Variants in CABLES2 observed in about 807,000 individuals in gnomAD.
The protein encoded by CABLES2 is CDK5 and ABL1 enzyme substrate 2.
CABLES2 carries 35 observed loss-of-function variants against 44.8 expected under a neutral mutation model. The observed-to-expected ratio is 0.78, with a 90% CI of 0.60 to 1.04. The LOEUF is 1.04. Among genes scored for constraint, CABLES2 ranks in the 50% least tolerant of loss-of-function variants. The probability of loss-of-function intolerance (pLI) is 0.00; values close to 1 mark genes in which losing one functional copy is unlikely to be tolerated. For missense variants in CABLES2, 566 were observed against 615.7 expected (o/e 0.92, Z 0.85); for synonymous variants, 282 against 281.1 (o/e 1.00, Z -0.03).
chr20:62,396,177 G>GGCA lies in CABLES2; in HGVS notation c.527+137_527+138insTGC. ...AGCAAGCAGTGTGGTGGGGAGGAGG[G>GGCA]CCCACCTCTAGAGGTGTGGAGTGTG... On this transcript the variant is annotated intron_variant, in intron 3 of 9. Coordinates refer to ENST00000279101, the MANE Select transcript of CABLES2 (RefSeq NM_031215.3). This position sits in a 1 kb window ranked among gnomAD's most constrained non-coding sequence, Gnocchi z 5.7. The GGCA allele has an allele frequency of 1.4e-6, 1 of 727,742 alleles. No individual in the cohort carries two copies. Among genetic ancestry groups the GGCA allele is most frequent in the South Asian group, 1.6e-5 (1 of 62,618 alleles). 45.1% of individuals were successfully genotyped at this position (727,742 alleles called of 1,614,324 possible).
chr20:62,394,038 G>C, intron 5 of CABLES2, 119 bp downstream of exon 5: 4 of 823,792 alleles, frequency 4.9e-6, no homozygotes, highest in Non-Finnish European at 8.2e-6. Flanking sequence ...CCACCCTTGC[G>C]TTTTACGTGG....
In CABLES2 at chr20:62,391,231, G is replaced by C. The variant is rs764236345; in HGVS notation, c.1296+18C>G. On this transcript the variant is annotated intron_variant, in intron 9 of 9. Transcript: ENST00000279101. The surrounding 1 kb of genome is among the most constrained non-coding windows in gnomAD (Gnocchi z 5.7). ...TGTCATGACCCTGCCTGCAGTGCCT[G>C]CCGAGCCGGGCACTCACATCGATGA... 2.0e-5 allele frequency: 32 copies of C among 1,603,606 alleles called. No individual in the cohort carries two copies. The highest frequency in any genetic ancestry group is 2.6e-5 in the Non-Finnish European group (31 of 1,173,400).
rs1247648613 is a variant in CABLES2 at position 62,391,891 on chromosome 20, CGACGT to C, written c.1092-443_1092-439del. Among the ~76,000 whole-genome samples the C allele has an allele frequency of 6.6e-6, 1 of 151,956 alleles. No homozygotes were observed. The highest frequency in any genetic ancestry group is 1.5e-5 in the Non-Finnish European group (1 of 67,988). On this transcript the variant is annotated intron_variant, in intron 8 of 9. Coordinates refer to ENST00000279101, the MANE Select transcript of CABLES2 (RefSeq NM_031215.3). The surrounding 1 kb of genome is among the most constrained non-coding windows in gnomAD (Gnocchi z 5.7). Reference sequence around the variant, plus strand: ...CAGTACAGGGCCGTGGCCAGGAGCCCGACGTGAGCCCAGCAGTTCCGCCGCCTTCT... The same window carrying C: ...CAGTACAGGGCCGTGGCCAGGAGCCCGAGCCCAGCAGTTCCGCCGCCTTCT...
chr20:62,398,122 TGGTTATGAC>T (rs1569017678), intron 1 of CABLES2, among the ~76,000 whole-genome samples: 10 of 122,214 alleles, frequency 8.2e-5, no homozygotes, highest in East Asian at 2.3e-4. Flanking sequence ...GTGGTGGTGG[TGGTTATGAC>T]GGTGGTGATG....
chr20:62,392,372 T>G lies in CABLES2; in HGVS notation c.1091+17A>C. 6.3e-7 allele frequency: 1 copy of G among 1,582,526 alleles called. No individual in the cohort carries two copies. Among genetic ancestry groups the G allele is most frequent in the Non-Finnish European group, 8.7e-7 (1 of 1,151,500 alleles). On this transcript the variant is annotated intron_variant, in intron 8 of 9. Coordinates refer to ENST00000279101, the MANE Select transcript of CABLES2 (RefSeq NM_031215.3). ...GGCCTCCCAGGACGATGAGATGGTC[T>G]GAGAGGGTGTCCTCACCTCCTGATT...
chr20:62,397,432 C>T (rs1988040011), intron 1 of CABLES2, among the ~76,000 whole-genome samples: 1 of 152,164 alleles, frequency 6.6e-6, no homozygotes, highest in Non-Finnish European at 1.5e-5. Context: ...CCAGGTGTTT[C>T]CCATAAGCGA....
In CABLES2 at chr20:62,389,365, C is replaced by T. The variant is rs1014349134; in HGVS notation, c.*1606G>A. On this transcript the variant is annotated 3_prime_UTR_variant, in exon 10 of 10. Transcript: ENST00000279101. ...AACAAAGGCTTTGGTTTGTCCTCAT[C>T]CTCCAGTCTGTCCCACACACCTGCC... The T allele has an allele frequency of 1.3e-5, 2 of 152,260 alleles. No homozygotes were observed. Among genetic ancestry groups the T allele is most frequent in the Admixed American group, 6.5e-5 (1 of 15,284 alleles). The allele number at this position is 152,260 out of a possible 1,614,324, so 9.4% of individuals were successfully genotyped here.
At position 62,390,797 on chromosome 20, in the gene CABLES2, C is replaced by T. The variant is rs774536048; in HGVS notation, c.*174G>A. 48 of 683,468 alleles carry T rather than the reference C, an allele frequency of 7.0e-5. No homozygotes were observed. Among genetic ancestry groups the T allele is most frequent in the Non-Finnish European group, 1.1e-4 (46 of 409,954 alleles). 42.3% of individuals were successfully genotyped at this position (683,468 alleles called of 1,614,324 possible). On this transcript the variant is annotated 3_prime_UTR_variant, in exon 10 of 10. Coordinates refer to ENST00000279101, the MANE Select transcript of CABLES2 (RefSeq NM_031215.3). ...GTGCACTTGGGGATGAAAGCGACGT[C>T]TCTTTCCAAGGAAATGGCAAAGAGG...
chr20:62,398,249 A>ATGG (rs566172995), intron 1 of CABLES2, among the ~76,000 whole-genome samples: 1 of 59,762 alleles, frequency 1.7e-5, no homozygotes. Context: ...GATGATGGTG[A>ATGG]TGGTGGTGGT....
In CABLES2 at chr20:62,393,040, C is replaced by A; in HGVS notation, c.881-17G>T. The A allele has an allele frequency of 6.2e-7, 1 of 1,600,190 alleles. No homozygotes were observed. The highest frequency in any genetic ancestry group is 8.6e-7 in the Non-Finnish European group (1 of 1,167,800). ...CGTCACTCCCTGTAAGAGAGGCAAC[C>A]CCTGACCCACCAGGAGTCTTGAGCA... On this transcript the variant is annotated splice_polypyrimidine_tract_variant and intron_variant, in intron 6 of 9. Transcript: ENST00000279101.
chr20:62,396,571 G>A lies in CABLES2; in HGVS notation c.384C>T (p.Arg128=). The A allele has an allele frequency of 6.2e-7, 1 of 1,613,398 alleles. No individual in the cohort carries two copies. Among genetic ancestry groups the A allele is most frequent in the South Asian group, 1.1e-5 (1 of 91,024 alleles). Residue 128 remains arginine (R), a synonymous_variant, in exon 2 of 10, where the codon CGC becomes CGT. Transcript: ENST00000279101. The surrounding 1 kb of genome is among the most constrained non-coding windows in gnomAD (Gnocchi z 5.7). ...QRQRKRVTSQ[R]CSLEFLEDAV... Reference sequence around the variant, plus strand: ...CATCTTCCAGAAACTCCAGGGAGCAGCGCTGGGACGTGACTCGCTTCCTGC... The same window carrying A: ...CATCTTCCAGAAACTCCAGGGAGCAACGCTGGGACGTGACTCGCTTCCTGC...
At chr20:62,406,879 C>T (rs1389605739) in intron 1 of CABLES2, 36 bp downstream of exon 1, 2 of 1,139,106 alleles carry the variant, frequency 1.8e-6, no homozygotes, top group Non-Finnish European at 1.1e-6. Flanking sequence ...CCCTGTACCC[C>T]GCGTCCTGGG....
chr20:62,392,508 G>A lies in CABLES2; in HGVS notation c.985-13C>T, dbSNP rs775806929. 14 of 1,602,084 alleles carry A rather than the reference G, an allele frequency of 8.7e-6. No homozygotes were observed. Among genetic ancestry groups the A allele is most frequent in the Non-Finnish European group, 1.2e-5 (14 of 1,169,058 alleles). On this transcript the variant is annotated splice_polypyrimidine_tract_variant and intron_variant, in intron 7 of 9. Transcript: ENST00000279101. ...CTATCACTGTGGTCTGCAACAGAGAGTGGGCAGGGTTGGGCCGGCCCCTCG... is the reference window on the plus strand; with the variant it reads ...CTATCACTGTGGTCTGCAACAGAGAATGGGCAGGGTTGGGCCGGCCCCTCG...
At chr20:62,402,189 TGGC>T (rs1988201785) in intron 1 of CABLES2, 1 of 152,228 alleles carries the variant, frequency 6.6e-6, no homozygotes, top group African/African-American at 2.4e-5. Flanking sequence ...CAGCACTAAA[TGGC>T]GGGCCACCAA....
rs1366151684 is a variant in CABLES2, at chr20:62,389,972, G to T, written c.*999C>A. On this transcript the variant is annotated 3_prime_UTR_variant, in exon 10 of 10. Coordinates refer to ENST00000279101, the MANE Select transcript of CABLES2 (RefSeq NM_031215.3). The stretch of plus-strand genomic sequence containing the variant: ...CACTGACCCTTTGAGGTTGTGTGGG[G>T]TGTGGTCAGTGCCCTCCTGCCTGAG... The T allele has an allele frequency of 2.0e-5, 3 of 152,146 alleles. No individual in the cohort carries two copies. Among genetic ancestry groups the T allele is most frequent in the Non-Finnish European group, 4.4e-5 (3 of 68,030 alleles). 9.4% of individuals were successfully genotyped at this position (152,146 alleles called of 1,614,324 possible).
chr20:62,398,034 GTGA>G (rs1482949679), intron 1 of CABLES2, among the ~76,000 whole-genome samples: 7 of 137,506 alleles, frequency 5.1e-5, no homozygotes, highest in African/African-American at 1.1e-4. Flanking sequence ...GGTGGTGACA[GTGA>G]TGGTGATGGT....
chr20:62,396,308 T>C lies in CABLES2; in HGVS notation c.527+7A>G, dbSNP rs1225651519. 2 of 1,613,072 alleles carry C rather than the reference T, an allele frequency of 1.2e-6. No homozygotes were observed. Among genetic ancestry groups the C allele is most frequent in the Admixed American group, 3.3e-5 (2 of 59,986 alleles). ...GCCCTGGCCCGGTTCCCGGCTCCGC[T>C]TCATACCTGCTGTTCCTGGTGTCGT... On this transcript the variant is annotated splice_region_variant and intron_variant, in intron 3 of 9. Coordinates refer to ENST00000279101, the MANE Select transcript of CABLES2 (RefSeq NM_031215.3). This position sits in a 1 kb window ranked among gnomAD's most constrained non-coding sequence, Gnocchi z 5.7.
rs1282362304 is a variant in CABLES2 at position 62,393,056 on chromosome 20, G to A, written c.881-33C>T. 9 of 1,568,736 alleles carry A rather than the reference G, an allele frequency of 5.7e-6. No homozygotes were observed. The Admixed American group carries it at 6.7e-5, about 12-fold the overall frequency. Reference sequence around the variant, plus strand: ...AGAGGCAACCCCTGACCCACCAGGAGTCTTGAGCAGTACCCATCTAGCCCC... The same window carrying A: ...AGAGGCAACCCCTGACCCACCAGGAATCTTGAGCAGTACCCATCTAGCCCC... On this transcript the variant is annotated intron_variant, in intron 6 of 9. Coordinates refer to ENST00000279101, the MANE Select transcript of CABLES2 (RefSeq NM_031215.3).
rs1003810639 is a variant in CABLES2 at position 62,396,141 on chromosome 20, G to A, written c.527+174C>T. On this transcript the variant is annotated intron_variant, in intron 3 of 9. Coordinates refer to ENST00000279101, the MANE Select transcript of CABLES2 (RefSeq NM_031215.3). The surrounding 1 kb of genome is among the most constrained non-coding windows in gnomAD (Gnocchi z 5.7). ...TGACACCAGGGACCTGCGGGTGCTC[G>A]GCTGATGTGGAGCAAGCAGTGTGGT... 5.3e-5 allele frequency among the ~76,000 whole-genome samples: 8 copies of A among 152,192 alleles called. No individual in the cohort carries two copies. The highest frequency in any genetic ancestry group is 1.9e-4 in the African/African-American group (8 of 41,456).
Sources: gnomAD v4.1 joint callset for allele counts (sites outside exome capture counted in the v4.1 genomes callset) on GRCh38, gnomAD v4.1.1 for gene constraint, Gnocchi (gnomAD v3.1) non-coding constraint, MANE v1.5 for transcripts, NCBI Gene and HGNC (gene_info 2026-07-23, HGNC 2026-07-21) for gene names.